Variants in FSTL5 observed in about 807,000 individuals in gnomAD.
FSTL5 encodes the protein follistatin like 5.
In FSTL5, 62 loss-of-function variants were observed where a neutral mutation model predicts 89.1. The ratio of observed to expected loss-of-function variants is 0.70; its 90% CI spans 0.57 to 0.86. The LOEUF is 0.86. Ranked by LOEUF, FSTL5 falls within the 40% of genes least tolerant of loss-of-function variation. The probability of loss-of-function intolerance (pLI) is 0.00; values close to 1 mark genes in which losing one functional copy is unlikely to be tolerated. For synonymous variants in FSTL5, 383 were observed against 346.2 expected (o/e 1.11, Z -1.18); for missense variants, 1,057 against 1,001.6 (o/e 1.06, Z -0.75).
chr4:161,668,559 C>T (rs1736976853), intron 6 of FSTL5, among the ~76,000 whole-genome samples: 2 of 152,032 alleles, frequency 1.3e-5, no homozygotes, highest in Admixed American at 1.3e-4. Context: ...AATAGCATTA[C>T]AAGAAAAGAA....
chr4:161,389,106 C>T (rs1281413460), intron 15 of FSTL5, among the ~76,000 whole-genome samples: 1 of 151,940 alleles, frequency 6.6e-6, no homozygotes, highest in Non-Finnish European at 1.5e-5. Flanking sequence ...GTCTCTAATT[C>T]AAAATTTCCC....
intron 6 of FSTL5, among the ~76,000 whole-genome samples, chr4:161,665,322 A>T (rs1736851092): frequency 6.6e-6 from 1 of 152,062 alleles, no homozygotes; most frequent in Non-Finnish European, 1.5e-5. Flanking sequence ...GCTCACTGCA[A>T]GCTCCGCCTC....
At chr4:161,433,455 A>G (rs193241308) in intron 15 of FSTL5, among the ~76,000 whole-genome samples, 25 of 152,222 alleles carry the variant, frequency 1.6e-4, no homozygotes, top group South Asian at 8.3e-4. Context: ...CTAGCATCAC[A>G]CTGAGTGGGG....
At chr4:161,738,781 C>T (rs538869517) in intron 6 of FSTL5, among the ~76,000 whole-genome samples, 1 of 152,146 alleles carries the variant, frequency 6.6e-6, no homozygotes, top group Non-Finnish European at 1.5e-5. Flanking sequence ...ACAAAATAAA[C>T]CTTTGCTTAT....
intron 1 of FSTL5, among the ~76,000 whole-genome samples, chr4:162,149,522 T>G (rs971136371): frequency 2.0e-5 from 3 of 151,904 alleles, no homozygotes; most frequent in African/African-American, 7.3e-5. Context: ...ATCTCTGTGG[T>G]TCCAGCTACT....
intron 1 of FSTL5, among the ~76,000 whole-genome samples, chr4:162,148,927 A>C (rs376430287): frequency 6.6e-6 from 1 of 152,352 alleles, no homozygotes; most frequent in South Asian, 2.1e-4. Context: ...TGAAAGGACT[A>C]TATGTAAAAC....
chr4:162,082,073 T>C lies in FSTL5; in HGVS notation c.126+29198A>G, dbSNP rs546162208. Among the ~76,000 whole-genome samples the C allele has an allele frequency of 1.9e-3, 281 of 151,882 alleles. 1 individual carries two copies. The highest frequency in any genetic ancestry group is 6.4e-3 in the African/African-American group (267 of 41,522). On this transcript the variant is annotated intron_variant, in intron 2 of 15. Coordinates refer to ENST00000306100, the MANE Select transcript of FSTL5 (RefSeq NM_020116.5). Reference sequence around the variant, plus strand: ...TCTTTTAAAAATAGAATTATTTTAATACCATTGGCATTATCTGATTTTTAG... The same window carrying C: ...TCTTTTAAAAATAGAATTATTTTAACACCATTGGCATTATCTGATTTTTAG...
intron 4 of FSTL5, among the ~76,000 whole-genome samples, chr4:161,779,780 TATATATATATATATATATA>T (rs1741568607): frequency 4.7e-5 from 2 of 42,784 alleles, no homozygotes; most frequent in African/African-American, 2.4e-4. Context: ...TATATGTATA[TATATATATATATATATATA>T]TATATATATA....
chr4:162,004,563 G>C (rs535697052), intron 3 of FSTL5, among the ~76,000 whole-genome samples: 4 of 152,206 alleles, frequency 2.6e-5, no homozygotes, highest in African/African-American at 4.8e-5. Context: ...CCTCCTTCTA[G>C]ATGCTTATCA....
intron 10 of FSTL5, among the ~76,000 whole-genome samples, chr4:161,521,986 G>T (rs1288737152): frequency 1.3e-5 from 2 of 150,800 alleles, no homozygotes; most frequent in African/African-American, 2.4e-5. Flanking sequence ...AACTCAAATT[G>T]TTACAATGGA....
intron 2 of FSTL5, among the ~76,000 whole-genome samples, chr4:162,068,812 C>A (rs1318114931): frequency 2.6e-5 from 4 of 151,938 alleles, no homozygotes; most frequent in Non-Finnish European, 5.9e-5. Context: ...GGTCTAATAT[C>A]CAGAATCTAA....
At chr4:162,145,818 G>A (rs1732951867) in intron 1 of FSTL5, among the ~76,000 whole-genome samples, 2 of 152,178 alleles carry the variant, frequency 1.3e-5, no homozygotes, top group East Asian at 1.9e-4. Flanking sequence ...GAAGTTTAAT[G>A]TGGTAAAGCT....
Position 161,621,305 on chromosome 4 carries a change from CAA to C in FSTL5, c.895-33732_895-33731del, listed in dbSNP as rs1009258118. Among the ~76,000 whole-genome samples the C allele has an allele frequency of 6.8e-4, 94 of 139,122 alleles. 1 individual carries two copies. The South Asian group carries it at 0.013, about 20-fold the overall frequency. 91.3% of individuals were successfully genotyped at this position (139,122 alleles called of 152,430 possible). ...ACACACACACACACACACACACACACAAACACAAAATTTGGCCAAAGAAGAAA... is the reference window on the plus strand; with the variant it reads ...ACACACACACACACACACACACACACACACAAAATTTGGCCAAAGAAGAAA... On this transcript the variant is annotated intron_variant, in intron 7 of 15. Coordinates refer to ENST00000306100, the MANE Select transcript of FSTL5 (RefSeq NM_020116.5).
At chr4:161,418,306 A>G (rs1348744940) in intron 15 of FSTL5, among the ~76,000 whole-genome samples, 1 of 152,196 alleles carries the variant, frequency 6.6e-6, no homozygotes, top group Non-Finnish European at 1.5e-5. Context: ...GAAAATAAAT[A>G]AATGAATGAA....
At chr4:162,124,029 GGTAGA>G (rs1260947552) in intron 1 of FSTL5, among the ~76,000 whole-genome samples, 1 of 152,056 alleles carries the variant, frequency 6.6e-6, no homozygotes, top group Non-Finnish European at 1.5e-5. Context: ...CACTAATCTA[GGTAGA>G]GTATTCAGAT....
At chr4:162,021,010 G>C (rs1737062725) in intron 3 of FSTL5, among the ~76,000 whole-genome samples, 2 of 151,934 alleles carry the variant, frequency 1.3e-5, no homozygotes, top group Non-Finnish European at 2.9e-5. Flanking sequence ...TTTATTGCTT[G>C]TATTTTAGAA....
intron 4 of FSTL5, among the ~76,000 whole-genome samples, chr4:161,824,648 T>C (rs576027967): frequency 5.9e-5 from 9 of 152,344 alleles, no homozygotes; most frequent in African/African-American, 1.9e-4. Context: ...TAGAGGCTTT[T>C]CACCTCCTTG....
chr4:161,751,596 A>T (rs1740394247), intron 6 of FSTL5, among the ~76,000 whole-genome samples: 1 of 152,006 alleles, frequency 6.6e-6, no homozygotes, highest in Non-Finnish European at 1.5e-5. Context: ...GCAACATAGC[A>T]AAGTCCCATC....
Position 162,085,535 on chromosome 4 carries a change from GTGTTTATA to G in FSTL5, c.126+25728_126+25735del, listed in dbSNP as rs560667456. ...AACATATGTGTGTATACATGTTTGC[GTGTTTATA>G]TACACACACATATATGTATGGAGAC... On this transcript the variant is annotated intron_variant, in intron 2 of 15. Transcript: ENST00000306100. Among the ~76,000 whole-genome samples, 970 of 152,094 alleles carry G rather than the reference GTGTTTATA, an allele frequency of 6.4e-3. 17 individuals carry two copies. The highest frequency in any genetic ancestry group is 0.047 in the East Asian group (244 of 5,158).
Sources: allele counts gnomAD v4.1 joint callset (sites outside exome capture counted in the v4.1 genomes callset), GRCh38; gene constraint gnomAD v4.1.1; transcripts MANE v1.5; gene names NCBI Gene and HGNC (gene_info 2026-07-23, HGNC 2026-07-21).